Variants in TFEC observed in about 807,000 individuals in gnomAD.
TFEC encodes transcription factor EC.
Under a neutral mutation model 41.6 loss-of-function variants are expected in TFEC, and 31 were observed. The ratio of observed to expected loss-of-function variants is 0.74; its 90% CI spans 0.56 to 1.01. The LOEUF (loss-of-function observed/expected upper bound fraction) is 1.01. Among genes scored for constraint, TFEC ranks in the 50% least tolerant of loss-of-function variants. The probability of loss-of-function intolerance (pLI) is 0.00; values close to 1 mark genes in which losing one functional copy is unlikely to be tolerated. For missense variants in TFEC, 402 were observed against 404.1 expected (o/e 0.99, Z 0.04); for synonymous variants, 143 against 140.6 (o/e 1.02, Z -0.12).
chr7:115,970,640 G>T (rs539421680), intron 3 of TFEC, among the ~76,000 whole-genome samples: 31 of 152,104 alleles, frequency 2.0e-4, no homozygotes, highest in African/African-American at 6.3e-4. Context: ...GCTATTTAGA[G>T]AAGAAAAGTC....
intron 3 of TFEC, among the ~76,000 whole-genome samples, chr7:116,055,466 G>A (rs1417769737): frequency 6.6e-6 from 1 of 151,882 alleles, no homozygotes; most frequent in Non-Finnish European, 1.5e-5. Flanking sequence ...ATACAAATAT[G>A]TTCTAATATA....
rs1681702571 is a variant in TFEC, at chr7:115,939,959, T to C, written c.*592A>G. 1 of 152,084 alleles carries C rather than the reference T, an allele frequency of 6.6e-6. No individual in the cohort carries two copies. Among genetic ancestry groups the C allele is most frequent in the Non-Finnish European group, 1.5e-5 (1 of 67,998 alleles). The allele number at this position is 152,084 out of a possible 1,614,324, so 9.4% of individuals were successfully genotyped here. A position where few individuals can be genotyped will look rare whatever the true frequency, so the allele number is the denominator to read the frequency against. On this transcript the variant is annotated 3_prime_UTR_variant, in exon 8 of 8. Coordinates refer to ENST00000265440, the MANE Select transcript of TFEC (RefSeq NM_012252.4). ...TTTTAGTAACCAATGTTTTTATAAGTTATCCATATTTTATTGTGGAAAATT... is the reference window on the plus strand; with the variant it reads ...TTTTAGTAACCAATGTTTTTATAAGCTATCCATATTTTATTGTGGAAAATT...
At chr7:116,085,807 T>A (rs540046063) in intron 3 of TFEC, among the ~76,000 whole-genome samples, 13 of 151,894 alleles carry the variant, frequency 8.6e-5, no homozygotes, top group Non-Finnish European at 1.8e-4. Context: ...GTTAATTCAT[T>A]CACAGTGTTA....
At chr7:116,074,352 T>C (rs1796905272) in intron 3 of TFEC, among the ~76,000 whole-genome samples, 1 of 151,630 alleles carries the variant, frequency 6.6e-6, no homozygotes, top group Non-Finnish European at 1.5e-5. Context: ...TATTTGCAAA[T>C]TATATGCACG....
chr7:116,070,604 A>G (rs950890250), intron 3 of TFEC, among the ~76,000 whole-genome samples: 22 of 151,456 alleles, frequency 1.5e-4, no homozygotes, highest in Admixed American at 6.6e-5. Flanking sequence ...ACATAATTCA[A>G]TACATACACC....
chr7:115,982,497 G>C (rs1018865447), intron 2 of TFEC, among the ~76,000 whole-genome samples: 16 of 152,304 alleles, frequency 1.1e-4, no homozygotes, highest in African/African-American at 3.4e-4. Context: ...GTCTGTGAAT[G>C]ATGGCAGTAT....
intron 3 of TFEC, among the ~76,000 whole-genome samples, chr7:116,100,828 ATATGT>A (rs1159135055): frequency 3.3e-5 from 5 of 152,016 alleles, no homozygotes; most frequent in African/African-American, 1.2e-4. Context: ...GGGTCTGAAA[ATATGT>A]TAGGGTGAGA....
At chr7:115,985,785 T>C (rs6967023) in intron 1 of TFEC, among the ~76,000 whole-genome samples, 56,072 of 151,964 alleles carry the variant, frequency 0.37, 11,225 homozygotes, top group Non-Finnish European at 0.45. Flanking sequence ...AGCTTTAAAG[T>C]TGTAAAATAA....
At position 115,939,816 on chromosome 7, in the gene TFEC, T is replaced by C. The variant is rs1485287142; in HGVS notation, c.*735A>G. 1 of 152,032 alleles carries C rather than the reference T, an allele frequency of 6.6e-6. No homozygotes were observed. Among genetic ancestry groups the C allele is most frequent in the Admixed American group, 6.6e-5 (1 of 15,212 alleles). 9.4% of individuals were successfully genotyped at this position (152,032 alleles called of 1,614,324 possible). On this transcript the variant is annotated 3_prime_UTR_variant, in exon 8 of 8. Coordinates refer to ENST00000265440, the MANE Select transcript of TFEC (RefSeq NM_012252.4). ...TGAAGGGATACAATTCTGGTCCATA[T>C]TCCTGAGGAAAATATTCAATATGTT...
intron 3 of TFEC, among the ~76,000 whole-genome samples, chr7:116,093,318 A>C (rs1442466059): frequency 4.6e-5 from 7 of 152,198 alleles, no homozygotes; most frequent in Non-Finnish European, 1.0e-4. Flanking sequence ...TTTAAAAACG[A>C]GAACAAATAT....
chr7:116,037,947 T>C (rs1034563917), intron 3 of TFEC, among the ~76,000 whole-genome samples: 1 of 152,062 alleles, frequency 6.6e-6, no homozygotes, highest in African/African-American at 2.4e-5. Context: ...ACTTTTTCAC[T>C]GCTAAAACGC....
intron 3 of TFEC, among the ~76,000 whole-genome samples, chr7:115,957,190 C>T (rs1295122571): frequency 1.3e-5 from 2 of 151,796 alleles, no homozygotes; most frequent in African/African-American, 4.8e-5. Context: ...CACCACATCC[C>T]ACAAATTAGG....
At chr7:116,026,687 A>C (rs1264915220) in intron 1 of TFEC, among the ~76,000 whole-genome samples, 1 of 152,186 alleles carries the variant, frequency 6.6e-6, no homozygotes, top group Non-Finnish European at 1.5e-5. Context: ...CACTATTAGA[A>C]GGGTTAATAG....
At chr7:115,941,755 T>TA in intron 7 of TFEC, 138 bp downstream of exon 7, 1 of 1,211,194 alleles carries the variant, frequency 8.3e-7, no homozygotes, top group South Asian at 1.6e-5. Flanking sequence ...CACGAACTTC[T>TA]AAAAAGCAGT....
At chr7:116,132,212 T>C (rs566134012) in intron 1 of TFEC, among the ~76,000 whole-genome samples, 11 of 152,322 alleles carry the variant, frequency 7.2e-5, no homozygotes, top group South Asian at 4.1e-4. Flanking sequence ...AAGAAATGTA[T>C]GTAATCAAAA....
Position 116,003,570 on chromosome 7 carries a change from G to T in TFEC, c.-72-19057C>A, listed in dbSNP as rs537666826. On this transcript the variant is annotated intron_variant, in intron 1 of 7. Transcript: ENST00000265440. ...ACTTCAGTACACTTCTGCCAGAAATGATTGAATCCGACAGGCAGAAAATCA... is the reference window on the plus strand; with the variant it reads ...ACTTCAGTACACTTCTGCCAGAAATTATTGAATCCGACAGGCAGAAAATCA... Among the ~76,000 whole-genome samples, 116 of 152,202 alleles carry T rather than the reference G, an allele frequency of 7.6e-4. 4 individuals carry two copies. The South Asian group carries it at 0.023, about 30-fold the overall frequency.
chr7:116,121,590 A>G (rs1182273334), intron 1 of TFEC: 1 of 150,774 alleles, frequency 6.6e-6, no homozygotes, highest in Non-Finnish European at 1.5e-5. Flanking sequence ...TTCAACAAAA[A>G]ATAAATATAT....
At chr7:116,011,648 T>C (rs1389054919) in intron 1 of TFEC, among the ~76,000 whole-genome samples, 1 of 152,184 alleles carries the variant, frequency 6.6e-6, no homozygotes, top group Admixed American at 6.6e-5. Context: ...TTAGAACTTA[T>C]GGATTGATGT....
exon 3 of TFEC, chr7:116,110,718 G>T: frequency 6.6e-7 from 1 of 1,515,720 alleles, no homozygotes; most frequent in South Asian, 1.3e-5. Context: ...CCTGGTAAAG[G>T]ATGGTAATTG....
Sources: gnomAD v4.1 joint callset for allele counts (sites outside exome capture counted in the v4.1 genomes callset) on GRCh38, gnomAD v4.1.1 for gene constraint, MANE v1.5 for transcripts, NCBI Gene and HGNC (gene_info 2026-07-23, HGNC 2026-07-21) for gene names.